TUT7: variants seen among roughly 807,000 people sequenced by gnomAD.
TUT7 encodes terminal uridylyltransferase 7.
A neutral mutation model predicts 165.9 loss-of-function variants in TUT7; 33 were observed. That is an observed-to-expected ratio of 0.20 (90% CI 0.15 to 0.27). The LOEUF is 0.27. TUT7 is among the 10% of genes least tolerant of loss of function. The probability of loss-of-function intolerance (pLI) is 1.00; values close to 1 mark genes in which losing one functional copy is unlikely to be tolerated. For missense variants in TUT7, 1,338 were observed against 1,762.3 expected (o/e 0.76, Z 4.31); for synonymous variants, 552 against 608.1 (o/e 0.91, Z 1.36).
chr9:86,337,532 T>C lies in TUT7; in HGVS notation c.1342A>G (p.Ser448Gly), dbSNP rs762659792. Residue 448 changes from serine to glycine, a missense_variant, in exon 10 of 27, where the codon AGT (serine) becomes GGT (glycine). Ser to Gly is a moderately conservative substitution (Grantham distance 56, BLOSUM62 0). Transcript: ENST00000375963. ...IAFRYWAKLCSIDRPEEGGLP... is the reference protein window; with the variant it reads ...IAFRYWAKLCGIDRPEEGGLP... ...CCTCCTTCTTCAGGGCGATCTATAC[T>C]GCAAAGCTACAAACAAGAGAAAAGA... 10 of 1,597,366 alleles carry C rather than the reference T, an allele frequency of 6.3e-6. No individual in the cohort carries two copies. The highest frequency in any genetic ancestry group is 2.3e-5 in the South Asian group (2 of 87,416).
chr9:86,295,821 TG>T (rs1225039329), intron 26 of TUT7, among the ~76,000 whole-genome samples: 1 of 118,662 alleles, frequency 8.4e-6, no homozygotes, highest in Non-Finnish European at 1.8e-5. Flanking sequence ...GAGATTAAAA[TG>T]GAATAAATAA....
At chr9:86,333,931 CTCTG>C (rs1341683565) in intron 10 of TUT7, among the ~76,000 whole-genome samples, 1 of 152,030 alleles carries the variant, frequency 6.6e-6, no homozygotes, top group East Asian at 1.9e-4. Flanking sequence ...CCCTTGTTGC[CTCTG>C]TGTTTCCCTA....
chr9:86,320,217 G>T lies in TUT7; in HGVS notation c.3029-547C>A, dbSNP rs542747822. On this transcript the variant is annotated intron_variant, in intron 14 of 26. Transcript: ENST00000375963. ...TATTTTTTTCCCTAAGGAGAACCTA[G>T]TTTTTTTAATAGCTCATAATATAAA... 3.6e-3 allele frequency among the ~76,000 whole-genome samples: 438 copies of T among 121,010 alleles called. 2 individuals carry two copies. The highest frequency in any genetic ancestry group is 6.0e-3 in the Non-Finnish European group (358 of 59,856). 79.4% of individuals were successfully genotyped at this position (121,010 alleles called of 152,430 possible).
At chr9:86,349,010 A>T (rs1832030382) in intron 2 of TUT7, among the ~76,000 whole-genome samples, 1 of 151,960 alleles carries the variant, frequency 6.6e-6, no homozygotes, top group South Asian at 2.1e-4. Context: ...CAGGCGTGGC[A>T]GCTCATGCCT....
chr9:86,310,390 A>G (rs1433675007), intron 18 of TUT7, among the ~76,000 whole-genome samples: 2 of 152,018 alleles, frequency 1.3e-5, no homozygotes, highest in Non-Finnish European at 2.9e-5. Context: ...CATGGCTTTT[A>G]TACGTCCTTG....
chr9:86,353,149 C>A lies in TUT7; in HGVS notation c.51G>T (p.Gly17=). Residue 17 remains glycine (G), a synonymous_variant, in exon 2 of 27, where the codon GGG becomes GGT. Transcript: ENST00000375963. The part of the protein sequence containing the change: ...PYFVKRTKDR[G]TMDDDDFRRG... ...TTCTGAAGTCATCATCATCCATAGTCCCCCGGTCTTTAGTGCGCTTCACGA... is the reference window on the plus strand; with the variant it reads ...TTCTGAAGTCATCATCATCCATAGTACCCCGGTCTTTAGTGCGCTTCACGA... 6.2e-7 allele frequency: 1 copy of A among 1,606,986 alleles called. No individual in the cohort carries two copies. Among genetic ancestry groups the A allele is most frequent in the Non-Finnish European group, 8.5e-7 (1 of 1,178,156 alleles).
intron 26 of TUT7, among the ~76,000 whole-genome samples, chr9:86,300,311 GAA>G (rs1190636300): frequency 1.3e-5 from 2 of 152,086 alleles, no homozygotes; most frequent in African/African-American, 4.8e-5. Context: ...AAATAAAATA[GAA>G]GAGAGGTATT....
At chr9:86,291,610 A>G (rs2131253373) in intron 26 of TUT7, among the ~76,000 whole-genome samples, 1 of 151,990 alleles carries the variant, frequency 6.6e-6, no homozygotes, top group South Asian at 2.1e-4. Context: ...GGCCCCTTGC[A>G]TCACCAGAGT....
In TUT7 at chr9:86,323,376, A is replaced by G; in HGVS notation, c.2374T>C (p.Phe792Leu). 1 of 1,614,132 alleles carries G rather than the reference A, an allele frequency of 6.2e-7. No homozygotes were observed. Among genetic ancestry groups the G allele is most frequent in the Non-Finnish European group, 8.5e-7 (1 of 1,180,026 alleles). Residue 792 changes from phenylalanine (F) to leucine (L), a missense_variant, in exon 13 of 27, where the codon TTC (phenylalanine) becomes CTC (leucine). Coordinates refer to ENST00000375963, the MANE Select transcript of TUT7 (RefSeq NM_024617.4). ...ESESTLDLEGFQNPTAKECEG... is the reference protein window; with the variant it reads ...ESESTLDLEGLQNPTAKECEG... ...CACTCTTTAGCTGTGGGATTTTGGA[A>G]GCCTTCTAAATCCAAAGTGCTCTCT...
At chr9:86,330,059 CT>C (rs1253162573) in intron 10 of TUT7, among the ~76,000 whole-genome samples, 1 of 151,440 alleles carries the variant, frequency 6.6e-6, no homozygotes, top group Admixed American at 6.6e-5. Flanking sequence ...TTGTTCACTT[CT>C]TTTTTTTTCT....
At chr9:86,305,998 G>C (rs1420169511) in intron 22 of TUT7, among the ~76,000 whole-genome samples, 1 of 152,134 alleles carries the variant, frequency 6.6e-6, no homozygotes, top group Non-Finnish European at 1.5e-5. Context: ...TGAATAAACT[G>C]TCTCATGAAA....
chr9:86,309,429 T>C (rs761996048), intron 20 of TUT7, 34 bp downstream of exon 20: 50 of 1,563,790 alleles, frequency 3.2e-5, no homozygotes, highest in African/African-American at 5.5e-5. Flanking sequence ...TCACCAGTTT[T>C]CCAGATAAGA....
intron 6 of TUT7, 23 bp downstream of exon 6, chr9:86,343,052 C>T: frequency 6.7e-7 from 1 of 1,486,906 alleles, no homozygotes; most frequent in South Asian, 1.2e-5. Context: ...TCTGAAAGTG[C>T]CAGCATTTCA....
intron 26 of TUT7, among the ~76,000 whole-genome samples, chr9:86,297,829 G>C (rs775762194): frequency 1.3e-5 from 2 of 151,408 alleles, no homozygotes; most frequent in African/African-American, 2.4e-5. Context: ...CAACAAAAAC[G>C]GTACCTACCA....
At chr9:86,306,573 G>C (rs1827508166) in intron 22 of TUT7, among the ~76,000 whole-genome samples, 1 of 152,210 alleles carries the variant, frequency 6.6e-6, no homozygotes, top group African/African-American at 2.4e-5. Context: ...TTGGGAGGCT[G>C]AGGTGGGCTA....
intron 17 of TUT7, among the ~76,000 whole-genome samples, chr9:86,314,778 C>G (rs1316281941): frequency 2.0e-5 from 3 of 152,170 alleles, no homozygotes; most frequent in Non-Finnish European, 4.4e-5. Context: ...TCAGTGCTTC[C>G]AAATATCTAT....
At chr9:86,341,142 T>G (rs1831285079) in intron 6 of TUT7, 89 bp from the exon 7 acceptor site, 1 of 1,077,064 alleles carries the variant, frequency 9.3e-7, no homozygotes, top group Non-Finnish European at 1.4e-6. Flanking sequence ...CCCAAATTCC[T>G]TTCTAAATGA....
Position 86,311,634 on chromosome 9 carries a change from G to A in TUT7, c.3275-825C>T, listed in dbSNP as rs553338223. 3.7e-3 allele frequency among the ~76,000 whole-genome samples: 561 copies of A among 151,128 alleles called. 1 individual carries two copies. The highest frequency in any genetic ancestry group is 6.9e-3 in the Non-Finnish European group (465 of 67,814). On this transcript the variant is annotated intron_variant, in intron 17 of 26. Transcript: ENST00000375963. This position sits in a 1 kb window ranked among gnomAD's most constrained non-coding sequence, Gnocchi z 4.4. ...GGTCTCCCTCTCCCTCTCTTTCCAC[G>A]GTCTCCCTCTGATGCCGGTCTCCCT...
intron 17 of TUT7, 81 bp downstream of exon 17, chr9:86,317,138 C>A (rs1476926130): frequency 2.4e-6 from 3 of 1,238,698 alleles, no homozygotes; most frequent in Middle Eastern, 1.9e-4. Flanking sequence ...GGAACAAATA[C>A]CCCATGGATA....
Sources: gnomAD v4.1 joint callset for allele counts (sites outside exome capture counted in the v4.1 genomes callset) on GRCh38, gnomAD v4.1.1 for gene constraint, Gnocchi (gnomAD v3.1) non-coding constraint, MANE v1.5 for transcripts, NCBI Gene and HGNC (gene_info 2026-07-23, HGNC 2026-07-21) for gene names.